SGPL1: variants seen among roughly 807,000 people sequenced by gnomAD.
The protein encoded by SGPL1 is SP-lyase 1.
Under a neutral mutation model 68.9 loss-of-function variants are expected in SGPL1, and 37 were observed. That is an observed-to-expected ratio of 0.54 (90% CI 0.41 to 0.71). SGPL1 has a LOEUF of 0.71. Ranked by LOEUF, SGPL1 falls within the 30% of genes least tolerant of loss-of-function variation. SGPL1 has a pLI of 0.00. For synonymous variants in SGPL1, 236 were observed against 248.5 expected (o/e 0.95, Z 0.47); for missense variants, 551 against 704.6 (o/e 0.78, Z 2.47).
chr10:70,875,934 T>G (rs1455446547), intron 13 of SGPL1, among the ~76,000 whole-genome samples: 1 of 152,234 alleles, frequency 6.6e-6, no homozygotes, highest in Non-Finnish European at 1.5e-5. Flanking sequence ...TGCTACTGCC[T>G]TCTTTATTAG....
intron 4 of SGPL1, 83 bp downstream of exon 4, chr10:70,851,293 A>C: frequency 4.1e-5 from 49 of 1,189,520 alleles, no homozygotes; most frequent in Non-Finnish European, 5.7e-5. Context: ...TAATATTCTC[A>C]AAGTGGAGGG....
chr10:70,834,650 C>T (rs1017212170), intron 2 of SGPL1, among the ~76,000 whole-genome samples: 4 of 152,178 alleles, frequency 2.6e-5, no homozygotes, highest in Non-Finnish European at 5.9e-5. Context: ...CCCCAAAATG[C>T]TCAGCCCTTG....
chr10:70,835,140 T>C (rs938647649), intron 2 of SGPL1, among the ~76,000 whole-genome samples: 12 of 152,220 alleles, frequency 7.9e-5, no homozygotes, highest in African/African-American at 2.9e-4. Context: ...GTCAAAAGTA[T>C]AGGCAATATC....
At chr10:70,876,438 AT>A (rs1846387168) in intron 13 of SGPL1, 102 bp from the exon 14 acceptor site, 1 of 1,065,320 alleles carries the variant, frequency 9.4e-7, no homozygotes. Flanking sequence ...TGTCAGAAAT[AT>A]TGTGAAAGGG....
intron 14 of SGPL1, 129 bp downstream of exon 14, chr10:70,876,790 A>G (rs1011886448): frequency 2.4e-6 from 2 of 831,154 alleles, no homozygotes; most frequent in Non-Finnish European, 1.9e-6. Context: ...TTATTTGTTG[A>G]CTGGAGCTGA....
chr10:70,857,262 G>T (rs942239436), intron 5 of SGPL1: 4 of 224,506 alleles, frequency 1.8e-5, no homozygotes, highest in Non-Finnish European at 3.5e-5. Flanking sequence ...GCAGAAAAAG[G>T]CCACTCCAAA....
chr10:70,845,234 T>G (rs963749534), intron 3 of SGPL1, among the ~76,000 whole-genome samples: 2 of 152,162 alleles, frequency 1.3e-5, no homozygotes, highest in African/African-American at 2.4e-5. Context: ...TTTAAACCTT[T>G]GGTACCAGTT....
intron 7 of SGPL1, among the ~76,000 whole-genome samples, chr10:70,867,455 C>T (rs749253430): frequency 5.9e-5 from 9 of 151,768 alleles, no homozygotes; most frequent in East Asian, 3.9e-4. Context: ...CCGAGCTACT[C>T]GGGTAACTAT....
chr10:70,839,283 AAG>A (rs1845679005), intron 2 of SGPL1, among the ~76,000 whole-genome samples: 1 of 151,494 alleles, frequency 6.6e-6, no homozygotes, highest in African/African-American at 2.4e-5. Flanking sequence ...TAAGGTTTAT[AAG>A]AGTTTGTTTT....
At chr10:70,835,735 C>CAAAAAAAAAAAAAAA (rs66962270) in intron 2 of SGPL1, among the ~76,000 whole-genome samples, 11 of 70,144 alleles carry the variant, frequency 1.6e-4, no homozygotes, top group African/African-American at 3.0e-4. Flanking sequence ...GACTCCGTCT[C>CAAAAAAAAAAAAAAA]AAAAAAAAAA....
chr10:70,854,943 T>C, intron 5 of SGPL1, 88 bp downstream of exon 5: 1 of 1,160,050 alleles, frequency 8.6e-7, no homozygotes, highest in Non-Finnish European at 1.2e-6. Flanking sequence ...TAAGAATAAC[T>C]CATCATTGGT....
At position 70,878,032 on chromosome 10, in the gene SGPL1, T is replaced by G. The variant is rs1366119822; in HGVS notation, c.*697T>G. On this transcript the variant is annotated 3_prime_UTR_variant, in exon 15 of 15. Coordinates refer to ENST00000373202, the MANE Select transcript of SGPL1 (RefSeq NM_003901.4). Reference sequence around the variant, plus strand: ...GACGGGTTCACCGTGTTGGCCAGGCTGGTCTTGAACTCCTGACCTCAGGTG... The same window carrying G: ...GACGGGTTCACCGTGTTGGCCAGGCGGGTCTTGAACTCCTGACCTCAGGTG... The G allele has an allele frequency of 6.6e-6, 1 of 152,170 alleles. No individual in the cohort carries two copies. The highest frequency in any genetic ancestry group is 2.4e-5 in the African/African-American group (1 of 41,396). The allele number at this position is 152,170 out of a possible 1,614,324, so 9.4% of individuals were successfully genotyped here.
intron 2 of SGPL1, among the ~76,000 whole-genome samples, chr10:70,832,054 C>T (rs1343694680): frequency 6.6e-6 from 1 of 152,138 alleles, no homozygotes; most frequent in Non-Finnish European, 1.5e-5. Context: ...GAACCAGGAA[C>T]CATGGATGCA....
At chr10:70,843,228 T>A (rs967020515) in intron 2 of SGPL1, among the ~76,000 whole-genome samples, 7 of 152,014 alleles carry the variant, frequency 4.6e-5, no homozygotes, top group Admixed American at 2.0e-4. Context: ...CCTGAGAAGT[T>A]TTCGTGATTT....
Position 70,844,464 on chromosome 10 carries a change from T to C in SGPL1, c.28-9T>C, listed in dbSNP as rs778280394. The C allele has an allele frequency of 6.2e-7, 1 of 1,610,786 alleles. No homozygotes were observed. Among genetic ancestry groups the C allele is most frequent in the African/African-American group, 1.3e-5 (1 of 74,860 alleles). ...ATGTAATGTTTTTATTTTTCACTTGTATTTCTAGAAGGCCTTTGAGCCCTA... is the reference window on the plus strand; with the variant it reads ...ATGTAATGTTTTTATTTTTCACTTGCATTTCTAGAAGGCCTTTGAGCCCTA... On this transcript the variant is annotated splice_polypyrimidine_tract_variant and intron_variant, in intron 2 of 14. Transcript: ENST00000373202.
At chr10:70,853,677 G>A (rs139966351) in intron 4 of SGPL1, among the ~76,000 whole-genome samples, 1 of 152,156 alleles carries the variant, frequency 6.6e-6, no homozygotes, top group Non-Finnish European at 1.5e-5. Flanking sequence ...ATATGAATGT[G>A]AATATGTAAG....
At chr10:70,848,454 CTTTTTTTTTTT>C (rs55860254) in intron 3 of SGPL1, among the ~76,000 whole-genome samples, 22 of 70,670 alleles carry the variant, frequency 3.1e-4, no homozygotes, top group East Asian at 9.9e-4. Flanking sequence ...ACCTCACGTA[CTTTTTTTTTTT>C]TTTTTTTTTT....
rs772411324 is a variant in SGPL1, at chr10:70,876,629, A to G, written c.1534A>G (p.Met512Val). ...CATTCGAGAATCTGTCACTCAAATC[A>G]TGAAGAATCCTAAAGCGAAGACCAC... The part of the protein sequence containing the change: ...KDIRESVTQI[M>V]KNPKAKTTGM... Residue 512 changes from methionine to valine, a missense_variant, in exon 14 of 15, where the codon ATG (methionine) becomes GTG (valine). By Grantham distance (21) the Met-to-Val change is conservative. Coordinates refer to ENST00000373202, the MANE Select transcript of SGPL1 (RefSeq NM_003901.4). The G allele has an allele frequency of 2.5e-6, 4 of 1,613,712 alleles. No homozygotes were observed. The East Asian group carries it at 6.7e-5, about 27-fold the overall frequency.
intron 7 of SGPL1, among the ~76,000 whole-genome samples, chr10:70,866,948 C>T (rs1266210110): frequency 6.6e-6 from 1 of 151,616 alleles, no homozygotes; most frequent in African/African-American, 2.4e-5. Flanking sequence ...TTCTCTGATT[C>T]CATCTTGTAT....
Sources: gnomAD v4.1 joint callset for allele counts (sites outside exome capture counted in the v4.1 genomes callset) on GRCh38, gnomAD v4.1.1 for gene constraint, MANE v1.5 for transcripts, NCBI Gene and HGNC (gene_info 2026-07-23, HGNC 2026-07-21) for gene names.